DSCAM: variants seen among roughly 807,000 people sequenced by gnomAD.
DSCAM encodes the protein cell adhesion molecule DSCAM.
A neutral mutation model predicts 217.7 loss-of-function variants in DSCAM; 47 were observed. The observed-to-expected ratio is 0.22, with a 90% confidence interval of 0.17 to 0.28. DSCAM has a LOEUF of 0.28. DSCAM is among the 10% of genes least tolerant of loss of function. The pLI is 1.00. For synonymous variants in DSCAM, 1,056 were observed against 1,015.3 expected (o/e 1.04, Z -0.76); for missense variants, 2,080 against 2,618.3 (o/e 0.79, Z 4.49).
intron 8 of DSCAM, among the ~76,000 whole-genome samples, chr21:40,316,340 C>T (rs2074196624): frequency 6.6e-6 from 1 of 152,172 alleles, no homozygotes; most frequent in Non-Finnish European, 1.5e-5. Context: ...TCAATTCTTT[C>T]TTCACTGCTT....
At chr21:40,235,505 G>A (rs1288239296) in intron 11 of DSCAM, among the ~76,000 whole-genome samples, 1 of 151,990 alleles carries the variant, frequency 6.6e-6, no homozygotes, top group Non-Finnish European at 1.5e-5. Flanking sequence ...TAATCACCCT[G>A]TCCCCCTTCA....
intron 2 of DSCAM, among the ~76,000 whole-genome samples, chr21:40,705,886 G>A (rs2090710071): frequency 6.6e-6 from 1 of 152,176 alleles, no homozygotes; most frequent in African/African-American, 2.4e-5. Flanking sequence ...CTAGTCAAAT[G>A]TTAGAAAGCA....
chr21:40,021,129 G>A (rs1249792160), intron 32 of DSCAM, among the ~76,000 whole-genome samples: 1 of 142,508 alleles, frequency 7.0e-6, no homozygotes, highest in Non-Finnish European at 1.5e-5. Context: ...GGATCAGAGA[G>A]ATGGAAACAC....
intron 20 of DSCAM, among the ~76,000 whole-genome samples, chr21:40,102,784 T>C (rs1182143278): frequency 6.6e-6 from 1 of 152,226 alleles, no homozygotes; most frequent in Non-Finnish European, 1.5e-5. Context: ...GCTGCACTTG[T>C]AAGACCTTGC....
At chr21:40,200,776 G>A (rs1019727747) in intron 11 of DSCAM, among the ~76,000 whole-genome samples, 1 of 152,102 alleles carries the variant, frequency 6.6e-6, no homozygotes, top group Non-Finnish European at 1.5e-5. Flanking sequence ...GAGACCTGCC[G>A]CCTCCTAAGG....
At chr21:40,599,436 T>C (rs1003923803) in intron 3 of DSCAM, among the ~76,000 whole-genome samples, 5 of 152,130 alleles carry the variant, frequency 3.3e-5, no homozygotes, top group Admixed American at 6.6e-5. Context: ...TGTGTTATCA[T>C]TGTTCTGGGA....
At chr21:40,254,741 C>T (rs1196671548) in intron 11 of DSCAM, among the ~76,000 whole-genome samples, 3 of 152,058 alleles carry the variant, frequency 2.0e-5, no homozygotes, top group Non-Finnish European at 4.4e-5. Flanking sequence ...TTCCTGTACT[C>T]CCCCTATGGC....
chr21:40,796,280 G>A lies in DSCAM; in HGVS notation c.43+50339C>T, dbSNP rs535342840. On this transcript the variant is annotated intron_variant, in intron 1 of 32. Transcript: ENST00000400454. The stretch of plus-strand genomic sequence containing the variant: ...GACATGACATCGGCAAATCCGAGCA[G>A]AAGTTTTAGTCATTGTAGGTTCCCA... Among the ~76,000 whole-genome samples the A allele has an allele frequency of 2.6e-5, 4 of 152,330 alleles. No individual in the cohort carries two copies. In the South Asian group the frequency reaches 8.3e-4, roughly 32 times the overall value.
At chr21:40,578,301 T>G (rs2076871486) in intron 3 of DSCAM, among the ~76,000 whole-genome samples, 1 of 152,154 alleles carries the variant, frequency 6.6e-6, no homozygotes, top group African/African-American at 2.4e-5. Context: ...CAGTTGGGCT[T>G]CTGGGTAGGG....
chr21:40,376,517 T>TATATATCTTATATAGATATCG (rs1193912863), intron 3 of DSCAM, among the ~76,000 whole-genome samples: 1 of 84,508 alleles, frequency 1.2e-5, no homozygotes, highest in Non-Finnish European at 2.2e-5. Context: ...TATCGATATC[T>TATATATCTTATATAGATATCG]ATATATCTTA....
rs140699337 is a variant in DSCAM at position 40,158,968 on chromosome 21, T to C, written c.3018+8250A>G. Among the ~76,000 whole-genome samples, 13 of 152,320 alleles carry C rather than the reference T, an allele frequency of 8.5e-5. No homozygotes were observed. The East Asian group carries it at 2.5e-3, about 29-fold the overall frequency. On this transcript the variant is annotated intron_variant, in intron 16 of 32. Coordinates refer to ENST00000400454, the MANE Select transcript of DSCAM (RefSeq NM_001389.5). ...AAATAGTTTGTTACATCTTAGTGCATTAACTTAAATGTATTTGAACTAGTG... is the reference window on the plus strand; with the variant it reads ...AAATAGTTTGTTACATCTTAGTGCACTAACTTAAATGTATTTGAACTAGTG...
chr21:40,150,954 A>G (rs2090417698), intron 16 of DSCAM, among the ~76,000 whole-genome samples: 1 of 152,210 alleles, frequency 6.6e-6, no homozygotes, highest in Admixed American at 6.5e-5. Flanking sequence ...AAAGGAAAAC[A>G]AGAAATCAGG....
chr21:40,519,835 ACTCT>A (rs140191515), intron 3 of DSCAM, among the ~76,000 whole-genome samples: 32 of 141,018 alleles, frequency 2.3e-4, no homozygotes, highest in Non-Finnish European at 3.7e-4. Context: ...TGTCTCTCTC[ACTCT>A]CTCTCTCTCT....
At chr21:40,556,331 G>A (rs959713708) in intron 3 of DSCAM, among the ~76,000 whole-genome samples, 4 of 151,966 alleles carry the variant, frequency 2.6e-5, no homozygotes, top group Non-Finnish European at 5.9e-5. Context: ...ACAAAAACAG[G>A]CAATTAACAC....
At chr21:40,317,402 A>G (rs1362968829) in intron 8 of DSCAM, among the ~76,000 whole-genome samples, 1 of 152,252 alleles carries the variant, frequency 6.6e-6, no homozygotes, top group Non-Finnish European at 1.5e-5. Context: ...AAGTGAGTAC[A>G]GTGATTTATG....
At chr21:40,257,688 G>A (rs1424270481) in intron 11 of DSCAM, among the ~76,000 whole-genome samples, 1 of 152,146 alleles carries the variant, frequency 6.6e-6, no homozygotes, top group African/African-American at 2.4e-5. Flanking sequence ...ACATGAGAAA[G>A]AGGGGCTTCT....
chr21:40,652,936 A>G (rs2090034009), intron 3 of DSCAM, among the ~76,000 whole-genome samples: 1 of 152,146 alleles, frequency 6.6e-6, no homozygotes, highest in Admixed American at 6.5e-5. Context: ...TGAGCACTCT[A>G]TGTGACTAAC....
At chr21:40,573,166 T>C (rs190061891) in intron 3 of DSCAM, among the ~76,000 whole-genome samples, 42 of 152,140 alleles carry the variant, frequency 2.8e-4, no homozygotes, top group African/African-American at 8.4e-4. Context: ...TGAAACCCCG[T>C]CTCTACTAAA....
intron 3 of DSCAM, among the ~76,000 whole-genome samples, chr21:40,460,283 T>C (rs1215984201): frequency 6.6e-6 from 1 of 151,632 alleles, no homozygotes; most frequent in African/African-American, 2.4e-5. Flanking sequence ...GAACTTAAAA[T>C]AGAATATCAT....
Sources: allele counts gnomAD v4.1 joint callset (sites outside exome capture counted in the v4.1 genomes callset), GRCh38; gene constraint gnomAD v4.1.1; transcripts MANE v1.5; gene names NCBI Gene and HGNC (gene_info 2026-07-23, HGNC 2026-07-21).